Variants in RNF144A observed in about 807,000 individuals in gnomAD.
RNF144A encodes the protein ring finger protein 144A, also known as E3 ubiquitin-protein ligase RNF144A.
RNF144A carries 11 observed loss-of-function variants against 38.7 expected under a neutral mutation model. That is an observed-to-expected ratio of 0.28 (90% CI 0.18 to 0.47). The LOEUF is 0.47. RNF144A is among the 20% of genes least tolerant of loss of function. The pLI, the probability that RNF144A is intolerant of heterozygous loss-of-function variation, is 0.99. For missense variants in RNF144A, 316 were observed against 377.2 expected (o/e 0.84, Z 1.34); for synonymous variants, 149 against 143.9 (o/e 1.04, Z -0.25).
Position 7,041,366 on chromosome 2 carries a change from A to C in RNF144A, c.*1606A>C. The C allele has an allele frequency of 6.1e-6, 6 of 985,860 alleles. No individual in the cohort carries two copies. Among genetic ancestry groups the C allele is most frequent in the Non-Finnish European group, 7.2e-6 (6 of 829,934 alleles). The allele number at this position is 985,860 out of a possible 1,614,324, so 61.1% of individuals were successfully genotyped here. A position where few individuals can be genotyped will look rare whatever the true frequency, so the allele number is the denominator to read the frequency against. On this transcript the variant is annotated 3_prime_UTR_variant, in exon 9 of 9. Transcript: ENST00000320892. ...TGAATTCGTTAGAAAAAACAGCGTCACCTCACTCTTCACCTGTCATGTTGA... is the reference window on the plus strand; with the variant it reads ...TGAATTCGTTAGAAAAAACAGCGTCCCCTCACTCTTCACCTGTCATGTTGA...
intron 2 of RNF144A, among the ~76,000 whole-genome samples, chr2:6,991,625 C>G (rs550863002): frequency 2.6e-5 from 4 of 152,084 alleles, no homozygotes; most frequent in African/African-American, 9.7e-5. Context: ...TAATCCTCTC[C>G]GAACCTTGGT....
chr2:6,983,527 G>T (rs1668768161), intron 2 of RNF144A, among the ~76,000 whole-genome samples: 1 of 152,202 alleles, frequency 6.6e-6, no homozygotes, highest in African/African-American at 2.4e-5. Flanking sequence ...GGCAGAGGAT[G>T]CTAGAGCGCT....
chr2:7,041,852 C>G lies in RNF144A; in HGVS notation c.*2092C>G. ...GTCAGAGCCTTTGGAAAGGCTGCAT[C>G]CCCAGGGCTAGAGCTCAGATGACCT... is the stretch of plus-strand genomic sequence containing the variant. On this transcript the variant is annotated 3_prime_UTR_variant, in exon 9 of 9. Transcript: ENST00000320892. 1 of 985,476 alleles carries G rather than the reference C, an allele frequency of 1.0e-6. No individual in the cohort carries two copies. The allele number at this position is 985,476 out of a possible 1,614,324, so 61.0% of individuals were successfully genotyped here. A position where few individuals can be genotyped will look rare whatever the true frequency, so the allele number is the denominator to read the frequency against.
At chr2:6,975,930 A>G (rs1668284560) in intron 2 of RNF144A, among the ~76,000 whole-genome samples, 2 of 152,244 alleles carry the variant, frequency 1.3e-5, no homozygotes, top group South Asian at 4.1e-4. Flanking sequence ...TGCTGTTTTC[A>G]CTTAACACAT....
At chr2:7,035,144 C>T (rs556773730) in intron 8 of RNF144A, among the ~76,000 whole-genome samples, 5 of 152,294 alleles carry the variant, frequency 3.3e-5, no homozygotes, top group East Asian at 1.9e-4. Flanking sequence ...TCTGCCTTCT[C>T]CACTCCTGTG....
intron 2 of RNF144A, among the ~76,000 whole-genome samples, chr2:6,967,514 T>C (rs935875309): frequency 6.6e-6 from 1 of 152,202 alleles, no homozygotes; most frequent in African/African-American, 2.4e-5. Flanking sequence ...CACCCTGCCC[T>C]GGAGCAGCCC....
chr2:6,922,992 G>T lies in RNF144A; in HGVS notation c.-212+5370G>T, dbSNP rs567916758. ...CTGGCTGGTGATCTGGTGGGTTGCA[G>T]GAGTCCCCTCTGTGCACCCTCCGTC... On this transcript the variant is annotated intron_variant, in intron 1 of 8. Coordinates refer to ENST00000320892, the MANE Select transcript of RNF144A (RefSeq NM_014746.6). 1.1e-4 allele frequency among the ~76,000 whole-genome samples: 16 copies of T among 152,312 alleles called. 1 individual carries two copies. In the East Asian group the frequency reaches 2.7e-3, roughly 26 times the overall value.
intron 3 of RNF144A, among the ~76,000 whole-genome samples, chr2:7,014,027 C>T (rs969448167): frequency 1.3e-5 from 2 of 152,238 alleles, no homozygotes; most frequent in African/African-American, 2.4e-5. Context: ...AAAAATGGAA[C>T]AGTCATACCT....
At chr2:7,022,161 T>TG (rs1320679741) in intron 6 of RNF144A, among the ~76,000 whole-genome samples, 4 of 152,238 alleles carry the variant, frequency 2.6e-5, no homozygotes, top group Admixed American at 6.5e-5. Flanking sequence ...CCTTGTCCCC[T>TG]GGAACTGAGG....
chr2:7,037,190 G>A (rs1672737138), intron 8 of RNF144A, among the ~76,000 whole-genome samples: 1 of 152,248 alleles, frequency 6.6e-6, no homozygotes, highest in Non-Finnish European at 1.5e-5. Flanking sequence ...TTTTACTGCT[G>A]GCTGCGTAAC....
At chr2:6,986,037 C>G (rs887476709) in intron 2 of RNF144A, among the ~76,000 whole-genome samples, 4 of 152,150 alleles carry the variant, frequency 2.6e-5, no homozygotes, top group African/African-American at 4.8e-5. Flanking sequence ...TGGAAGAGGC[C>G]TCTCACTGAT....
chr2:6,961,356 C>A (rs6719631), intron 2 of RNF144A, among the ~76,000 whole-genome samples: 1 of 151,766 alleles, frequency 6.6e-6, no homozygotes, highest in South Asian at 2.1e-4. Flanking sequence ...GGGGTGGAGG[C>A]GTTTTATTTT....
At chr2:7,055,941 A>G (rs1324918857) in intron 6 of RNF144A, among the ~76,000 whole-genome samples, 3 of 152,054 alleles carry the variant, frequency 2.0e-5, no homozygotes, top group African/African-American at 7.2e-5. Context: ...GCGAGCATGC[A>G]CACTCTGTAA....
chr2:7,020,389 C>T (rs530791868), intron 5 of RNF144A, 84 bp from the exon 6 acceptor site: 15 of 1,203,392 alleles, frequency 1.2e-5, no homozygotes, highest in South Asian at 5.2e-5. Context: ...CCTCCCTGTC[C>T]GTGCACTGAG....
In RNF144A at chr2:6,943,453, A is replaced by G. The variant is rs968206989; in HGVS notation, c.-12+2306A>G. On this transcript the variant is annotated intron_variant, in intron 2 of 8. Transcript: ENST00000320892. The surrounding 1 kb of genome is among the most constrained non-coding windows in gnomAD (Gnocchi z 4.3). ...AGACAACTCAGTTGAGCTTTGCGGC[A>G]AAAGGGAGCAGAGTTTGAGGTGGTA... is the stretch of plus-strand genomic sequence containing the variant. Among the ~76,000 whole-genome samples the G allele has an allele frequency of 6.6e-6, 1 of 152,224 alleles. No homozygotes were observed. Among genetic ancestry groups the G allele is most frequent in the African/African-American group, 2.4e-5 (1 of 41,454 alleles).
intron 2 of RNF144A, among the ~76,000 whole-genome samples, chr2:6,976,912 C>T (rs1668352626): frequency 6.6e-6 from 1 of 151,944 alleles, no homozygotes; most frequent in Non-Finnish European, 1.5e-5. Context: ...GTCTGATACG[C>T]CTTTGAAAAT....
intron 2 of RNF144A, chr2:6,996,646 C>G (rs778173533): frequency 1.1e-4 from 40 of 379,164 alleles, no homozygotes; most frequent in Middle Eastern, 7.6e-4. Context: ...CCTAGCTACT[C>G]AGGAGGCTGA....
chr2:7,003,775 G>A (rs1670268434), intron 3 of RNF144A, among the ~76,000 whole-genome samples: 1 of 152,246 alleles, frequency 6.6e-6, no homozygotes. Flanking sequence ...AGCATGCTTT[G>A]CCACCTGCCA....
intron 2 of RNF144A, among the ~76,000 whole-genome samples, chr2:6,988,236 C>T (rs995917268): frequency 6.6e-6 from 1 of 152,204 alleles, no homozygotes; most frequent in Non-Finnish European, 1.5e-5. Context: ...CCCAGCTTCT[C>T]CTGTTAACGT....
Sources: allele counts gnomAD v4.1 joint callset (sites outside exome capture counted in the v4.1 genomes callset), GRCh38; gene constraint gnomAD v4.1.1; non-coding constraint Gnocchi (gnomAD v3.1); transcripts MANE v1.5; gene names NCBI Gene and HGNC (gene_info 2026-07-23, HGNC 2026-07-21).